CNTN5: variants seen among roughly 807,000 people sequenced by gnomAD.
CNTN5 encodes the protein contactin-5.
CNTN5 carries 77 observed loss-of-function variants against 129.1 expected under a neutral mutation model. The observed-to-expected ratio is 0.60, with a 90% CI of 0.50 to 0.72. The LOEUF is 0.72. Ranked by LOEUF, CNTN5 falls within the 30% of genes least tolerant of loss-of-function variation. CNTN5 has a pLI of 0.00. For synonymous variants in CNTN5, 509 were observed against 465.6 expected, an observed-to-expected ratio of 1.09 and a Z score of -1.20; for missense variants, 1,478 against 1,328.8, an observed-to-expected ratio of 1.11 and a Z score of -1.75.
In CNTN5 at chr11:99,848,867, T is replaced by A. The variant is rs527553949; in HGVS notation, c.577+3605T>A. Among the ~76,000 whole-genome samples the A allele has an allele frequency of 4.6e-5, 7 of 152,270 alleles. No homozygotes were observed. In the South Asian group the frequency reaches 1.5e-3, roughly 32 times the overall value. ...ATTTTTGAGGTACCAACCAAATGAGTTTTGATTGCCTCTTTCAAATTCGAG... is the reference window on the plus strand; with the variant it reads ...ATTTTTGAGGTACCAACCAAATGAGATTTGATTGCCTCTTTCAAATTCGAG... On this transcript the variant is annotated intron_variant, in intron 6 of 24. Transcript: ENST00000524871.
chr11:99,133,504 C>G (rs1406432203), intron 1 of CNTN5, among the ~76,000 whole-genome samples: 1 of 150,588 alleles, frequency 6.6e-6, no homozygotes, highest in Non-Finnish European at 1.5e-5. Context: ...TTCAATCTAT[C>G]TATCTGACAA....
At chr11:99,892,712 C>G (rs556316632) in intron 6 of CNTN5, among the ~76,000 whole-genome samples, 1 of 152,256 alleles carries the variant, frequency 6.6e-6, no homozygotes, top group East Asian at 1.9e-4. Flanking sequence ...CAGTACCATG[C>G]TGTTTTTGTT....
At chr11:99,812,188 G>A (rs1946448440) in intron 3 of CNTN5, among the ~76,000 whole-genome samples, 1 of 152,064 alleles carries the variant, frequency 6.6e-6, no homozygotes. Flanking sequence ...TATACTTGTG[G>A]AGTTTTCTGT....
intron 1 of CNTN5, among the ~76,000 whole-genome samples, chr11:99,039,974 T>C (rs1863923637): frequency 6.6e-6 from 1 of 152,170 alleles, no homozygotes. Flanking sequence ...TTTTAGGCAA[T>C]AGATTATTGT....
chr11:100,119,054 A>C (rs1014007353), intron 13 of CNTN5, among the ~76,000 whole-genome samples: 1 of 151,064 alleles, frequency 6.6e-6, no homozygotes, highest in African/African-American at 2.4e-5. Flanking sequence ...AAAAAAAAAC[A>C]AAAAAGAATA....
intron 3 of CNTN5, among the ~76,000 whole-genome samples, chr11:99,618,713 T>C (rs1389291289): frequency 6.6e-6 from 1 of 152,160 alleles, no homozygotes; most frequent in Non-Finnish European, 1.5e-5. Context: ...CTGGGACTGT[T>C]GCTGATTGTG....
At chr11:99,272,687 T>A (rs1863231831) in intron 1 of CNTN5, among the ~76,000 whole-genome samples, 1 of 151,878 alleles carries the variant, frequency 6.6e-6, no homozygotes, top group African/African-American at 2.4e-5. Flanking sequence ...ATCTGTACCA[T>A]GATACTTACA....
At chr11:99,223,014 G>C (rs995506400) in intron 1 of CNTN5, among the ~76,000 whole-genome samples, 4 of 152,030 alleles carry the variant, frequency 2.6e-5, no homozygotes, top group African/African-American at 9.7e-5. Flanking sequence ...AGCTTCCAAT[G>C]CCTTCATCTT....
At chr11:100,317,606 C>G (rs1951595200) in intron 21 of CNTN5, among the ~76,000 whole-genome samples, 1 of 152,142 alleles carries the variant, frequency 6.6e-6, no homozygotes, top group Non-Finnish European at 1.5e-5. Context: ...TTTTCATAGA[C>G]TCTGAGGCCA....
intron 2 of CNTN5, among the ~76,000 whole-genome samples, chr11:99,502,899 T>A (rs1208447115): frequency 6.6e-6 from 1 of 152,182 alleles, no homozygotes; most frequent in Non-Finnish European, 1.5e-5. Context: ...TTCTTCACCT[T>A]CAGTCCACAT....
chr11:99,840,121 G>A (rs1352667123), intron 4 of CNTN5, among the ~76,000 whole-genome samples: 1 of 152,108 alleles, frequency 6.6e-6, no homozygotes, highest in East Asian at 1.9e-4. Context: ...ATGACAGTTA[G>A]GCCGGAGTCA....
chr11:100,117,855 A>G (rs1429284594), intron 13 of CNTN5, among the ~76,000 whole-genome samples: 2 of 151,844 alleles, frequency 1.3e-5, no homozygotes, highest in Admixed American at 1.3e-4. Flanking sequence ...TCAATTGAAT[A>G]CCGTACTTCT....
At chr11:100,319,356 T>C (rs1473829354) in intron 21 of CNTN5, among the ~76,000 whole-genome samples, 2 of 152,192 alleles carry the variant, frequency 1.3e-5, no homozygotes, top group East Asian at 3.9e-4. Flanking sequence ...TTTCACCATG[T>C]TGCCCAGGCT....
intron 2 of CNTN5, among the ~76,000 whole-genome samples, chr11:99,432,439 C>CTTTTCTTTT (rs1943412174): frequency 2.0e-4 from 23 of 113,288 alleles, no homozygotes; most frequent in African/African-American, 6.4e-4. Context: ...CCTTTTCTTT[C>CTTTTCTTTT]CTTTTCTTTT....
At chr11:100,288,407 A>G (rs914953724) in intron 18 of CNTN5, among the ~76,000 whole-genome samples, 2 of 152,144 alleles carry the variant, frequency 1.3e-5, no homozygotes, top group Non-Finnish European at 2.9e-5. Flanking sequence ...ATAACAAACT[A>G]TCTCTCAGAC....
chr11:100,007,639 T>C (rs1314184467), intron 9 of CNTN5, among the ~76,000 whole-genome samples: 1 of 152,130 alleles, frequency 6.6e-6, no homozygotes, highest in Non-Finnish European at 1.5e-5. Context: ...AGGGCCTTTC[T>C]GTGAGTTAGG....
intron 13 of CNTN5, among the ~76,000 whole-genome samples, chr11:100,141,867 G>T (rs12574269): frequency 0.16 from 23,953 of 152,072 alleles, 2,059 homozygotes; most frequent in African/African-American, 0.25. Flanking sequence ...AAAGCATTAT[G>T]TCTAGGTGTG....
chr11:100,039,107 C>T (rs4439472), intron 9 of CNTN5, among the ~76,000 whole-genome samples: 7,845 of 152,142 alleles, frequency 0.052, 344 homozygotes, highest in East Asian at 0.16. Context: ...TGGCTGGTTC[C>T]GGTTGTTCCT....
intron 6 of CNTN5, among the ~76,000 whole-genome samples, chr11:99,898,489 T>C (rs1332612970): frequency 6.6e-6 from 1 of 152,086 alleles, no homozygotes; most frequent in Non-Finnish European, 1.5e-5. Flanking sequence ...GCATAGTTCC[T>C]GCTTCAATAA....
Sources: gnomAD v4.1 joint callset for allele counts (sites outside exome capture counted in the v4.1 genomes callset) on GRCh38, gnomAD v4.1.1 for gene constraint, MANE v1.5 for transcripts, NCBI Gene and HGNC (gene_info 2026-07-23, HGNC 2026-07-21) for gene names.